VKORC1L1: variants seen among roughly 807,000 people sequenced by gnomAD.
The protein encoded by VKORC1L1 is vitamin K epoxide reductase complex subunit 1L1, also known as vitamin K epoxide reductase complex subunit 1-like protein 1.
VKORC1L1 carries 2 observed loss-of-function variants against 18.9 expected under a neutral mutation model. That is an observed-to-expected ratio of 0.11 (90% confidence interval 0.04 to 0.33). The LOEUF is 0.33. Among genes scored for constraint, VKORC1L1 ranks in the 10% least tolerant of loss-of-function variants. The probability of loss-of-function intolerance (pLI) is 1.00; values close to 1 mark genes in which losing one functional copy is unlikely to be tolerated. For synonymous variants in VKORC1L1, 96 were observed against 100.0 expected (o/e 0.96, Z 0.24); for missense variants, 123 against 224.1 (o/e 0.55, Z 2.88).
intron 1 of VKORC1L1, among the ~76,000 whole-genome samples, chr7:65,877,973 A>G (rs1226708253): frequency 3.3e-5 from 5 of 152,134 alleles, no homozygotes; most frequent in Non-Finnish European, 7.4e-5. Flanking sequence ...AGATCCACGT[A>G]TAAGTGAGCA....
At chr7:65,901,674 G>A (rs970353307) in intron 1 of VKORC1L1, among the ~76,000 whole-genome samples, 2 of 152,208 alleles carry the variant, frequency 1.3e-5, no homozygotes, top group African/African-American at 4.8e-5. Context: ...GGGGGTTGGC[G>A]GGGAGGGAAG....
rs760029673 is a variant in VKORC1L1 at position 65,954,371 on chromosome 7, T to C, written c.*71T>C. Reference sequence around the variant, plus strand: ...AGTTTATTTTGCAGCAGGTTTTTATTATTATTATTATTATTATTATTCACA... The same window carrying C: ...AGTTTATTTTGCAGCAGGTTTTTATCATTATTATTATTATTATTATTCACA... On this transcript the variant is annotated 3_prime_UTR_variant, in exon 3 of 3. Transcript: ENST00000360768. 82 of 1,469,636 alleles carry C rather than the reference T, an allele frequency of 5.6e-5. No individual in the cohort carries two copies. The highest frequency in any genetic ancestry group is 2.7e-6 in the Non-Finnish European group (3 of 1,113,870). The allele number at this position is 1,469,636 out of a possible 1,614,324, so 91.0% of individuals were successfully genotyped here.
chr7:65,913,087 C>CA (rs1393102875), intron 1 of VKORC1L1, among the ~76,000 whole-genome samples: 1 of 152,104 alleles, frequency 6.6e-6, no homozygotes, highest in African/African-American at 2.4e-5. Context: ...AGCAAAACTG[C>CA]AAATGAAAGA....
chr7:65,865,891 G>A, the VKORC1L1 span, among the ~76,000 whole-genome samples: 2 of 151,798 alleles, frequency 1.3e-5, no homozygotes, highest in Non-Finnish European at 2.9e-5. Context: ...GGAGGCTGAG[G>A]TGGGAGGATC....
chr7:65,875,754 C>A (rs2116319623), intron 1 of VKORC1L1, among the ~76,000 whole-genome samples: 1 of 152,174 alleles, frequency 6.6e-6, no homozygotes, highest in South Asian at 2.1e-4. Context: ...TATTGGACAC[C>A]TCAAGTTAGT....
intron 1 of VKORC1L1, among the ~76,000 whole-genome samples, chr7:65,904,809 A>T (rs1009722437): frequency 1.6e-4 from 25 of 152,228 alleles, no homozygotes; most frequent in Admixed American, 1.6e-3. Context: ...TGAAAAATTC[A>T]TTCAGGTTAA....
intron 1 of VKORC1L1, among the ~76,000 whole-genome samples, chr7:65,945,103 A>G (rs975682677): frequency 6.6e-6 from 1 of 151,742 alleles, no homozygotes; most frequent in Non-Finnish European, 1.5e-5. Context: ...TCTACTGAAA[A>G]TACAAAAATT....
At chr7:65,920,598 C>T (rs1191791802) in intron 1 of VKORC1L1, among the ~76,000 whole-genome samples, 1 of 152,112 alleles carries the variant, frequency 6.6e-6, no homozygotes, top group Non-Finnish European at 1.5e-5. Context: ...GGGGAGGCTC[C>T]TTCTTGGCCA....
At chr7:65,917,926 A>G (rs1305197766) in intron 1 of VKORC1L1, among the ~76,000 whole-genome samples, 2 of 152,176 alleles carry the variant, frequency 1.3e-5, no homozygotes, top group African/African-American at 4.8e-5. Flanking sequence ...ACATTTGACA[A>G]TGGTCTGGAA....
At chr7:65,951,513 G>A (rs1215046066) in intron 2 of VKORC1L1, among the ~76,000 whole-genome samples, 1 of 151,926 alleles carries the variant, frequency 6.6e-6, no homozygotes, top group East Asian at 1.9e-4. Context: ...GACAGAGGTT[G>A]CAGTGAGCTA....
chr7:65,929,239 T>C (rs180737530), intron 1 of VKORC1L1, among the ~76,000 whole-genome samples: 1 of 152,154 alleles, frequency 6.6e-6, no homozygotes, highest in Admixed American at 6.5e-5. Flanking sequence ...TGAAACCTCA[T>C]CTCTACTAGA....
At position 65,884,183 on chromosome 7, in the gene VKORC1L1, A is replaced by G. The variant is rs376640547; in HGVS notation, c.194+10618A>G. On this transcript the variant is annotated intron_variant, in intron 1 of 2. Coordinates refer to ENST00000360768, the MANE Select transcript of VKORC1L1 (RefSeq NM_173517.6). ...TTGTCTCAGCTTCTTCCTCCATAAA[A>G]TGAGGGTAGTAATAGTGTTAACTCA... is the stretch of plus-strand genomic sequence containing the variant. Among the ~76,000 whole-genome samples the G allele has an allele frequency of 3.3e-5, 5 of 152,282 alleles. No homozygotes were observed. The East Asian group carries it at 9.6e-4, about 29-fold the overall frequency.
In VKORC1L1 at chr7:65,954,415, A is replaced by T. The variant is rs1188993787; in HGVS notation, c.*115A>T. The T allele has an allele frequency of 7.1e-6, 10 of 1,400,770 alleles. No homozygotes were observed. The highest frequency in any genetic ancestry group is 9.3e-6 in the Non-Finnish European group (10 of 1,075,124). The allele number at this position is 1,400,770 out of a possible 1,614,324, so 86.8% of individuals were successfully genotyped here. On this transcript the variant is annotated 3_prime_UTR_variant, in exon 3 of 3. Coordinates refer to ENST00000360768, the MANE Select transcript of VKORC1L1 (RefSeq NM_173517.6). ...ATTCACAACAGACACTTTCCCTAAG[A>T]ATCTCAAACTGATTTTTAAAAATCC... is the stretch of plus-strand genomic sequence containing the variant.
chr7:65,893,017 G>A lies in VKORC1L1; in HGVS notation c.194+19452G>A, dbSNP rs143808699. On this transcript the variant is annotated intron_variant, in intron 1 of 2. Transcript: ENST00000360768. Reference sequence around the variant, plus strand: ...TGTACAATAGGGTTTTCCAGAGGCCGCATGAAATGCAGTGTTGCAACAGAT... The same window carrying A: ...TGTACAATAGGGTTTTCCAGAGGCCACATGAAATGCAGTGTTGCAACAGAT... 1.9e-3 allele frequency among the ~76,000 whole-genome samples: 286 copies of A among 152,294 alleles called. 2 individuals carry two copies. The highest frequency in any genetic ancestry group is 0.016 in the East Asian group (83 of 5,188).
chr7:65,902,284 A>G (rs1789331578), intron 1 of VKORC1L1, among the ~76,000 whole-genome samples: 1 of 152,228 alleles, frequency 6.6e-6, no homozygotes, highest in Admixed American at 6.5e-5. Flanking sequence ...AAGTAGAGGA[A>G]ATGGTTAACA....
intron 2 of VKORC1L1, among the ~76,000 whole-genome samples, chr7:65,951,821 A>G (rs1056410671): frequency 2.0e-5 from 3 of 152,182 alleles, no homozygotes; most frequent in Admixed American, 1.3e-4. Flanking sequence ...CCTGATGAAT[A>G]TATCATGGTG....
At chr7:65,929,680 G>GTATATATATATATATATATA (rs150255530) in intron 1 of VKORC1L1, among the ~76,000 whole-genome samples, 2,685 of 102,606 alleles carry the variant, frequency 0.026, 59 homozygotes, top group Middle Eastern at 0.045. Context: ...ATGTGTGTGT[G>GTATATATATATATATATATA]TGTATATATA....
chr7:65,927,752 C>T (rs1269375197), intron 1 of VKORC1L1, among the ~76,000 whole-genome samples: 1 of 152,148 alleles, frequency 6.6e-6, no homozygotes, highest in Admixed American at 6.5e-5. Context: ...TTTATTGTAG[C>T]CCACCATGCA....
chr7:65,949,982 G>A (rs1282649441), intron 2 of VKORC1L1, among the ~76,000 whole-genome samples: 1 of 152,096 alleles, frequency 6.6e-6, no homozygotes, highest in Non-Finnish European at 1.5e-5. Flanking sequence ...AAAAAACACA[G>A]ATATTTTCAA....
Sources: gnomAD v4.1 joint callset for allele counts (sites outside exome capture counted in the v4.1 genomes callset) on GRCh38, gnomAD v4.1.1 for gene constraint, MANE v1.5 for transcripts, NCBI Gene and HGNC (gene_info 2026-07-23, HGNC 2026-07-21) for gene names.